Variants in GRM5 observed in about 807,000 individuals in gnomAD.
GRM5 encodes the protein glutamate metabotropic receptor 5, also known as metabotropic glutamate receptor 5.
A neutral mutation model predicts 83.1 loss-of-function variants in GRM5; 19 were observed. The ratio of observed to expected loss-of-function variants is 0.23; its 90% CI spans 0.16 to 0.34. The LOEUF (loss-of-function observed/expected upper bound fraction) is 0.34. Among genes scored for constraint, GRM5 ranks in the 10% least tolerant of loss-of-function variants. The pLI is 1.00. For synonymous variants in GRM5, 675 were observed against 633.6 expected (o/e 1.07, Z -0.98); for missense variants, 1,160 against 1,588.3 (o/e 0.73, Z 4.58).
intron 3 of GRM5, among the ~76,000 whole-genome samples, chr11:88,687,719 G>A (rs1418653253): frequency 6.9e-6 from 1 of 145,880 alleles, no homozygotes; most frequent in Non-Finnish European, 1.5e-5. Flanking sequence ...CCCCCGTATG[G>A]TGCTTTATAT....
chr11:88,737,234 C>T (rs16914743), intron 3 of GRM5, among the ~76,000 whole-genome samples: 14,069 of 152,010 alleles, frequency 0.093, 807 homozygotes, highest in African/African-American at 0.17. Flanking sequence ...TCTCCTTTAA[C>T]AGTATAATGC....
chr11:89,056,512 T>A (rs4753213), intron 1 of GRM5, among the ~76,000 whole-genome samples: 99,132 of 152,028 alleles, frequency 0.65, 36,468 homozygotes, highest in Non-Finnish European at 0.82. Flanking sequence ...CACATCTACC[T>A]AAAAATAATA....
chr11:88,560,901 T>C (rs918361517), intron 8 of GRM5, among the ~76,000 whole-genome samples: 1 of 151,592 alleles, frequency 6.6e-6, no homozygotes, highest in Non-Finnish European at 1.5e-5. Context: ...AAAGGGAGAG[T>C]GATATGTGTG....
At position 88,652,840 on chromosome 11, in the gene GRM5, G is replaced by T. The variant is rs566817805; in HGVS notation, c.1147+328C>A. Among the ~76,000 whole-genome samples the T allele has an allele frequency of 4.5e-4, 69 of 152,214 alleles. 1 individual carries two copies. The South Asian group carries it at 9.3e-3, about 21-fold the overall frequency. Reference sequence around the variant, plus strand: ...TCTGGATAATAGAAATGAGCAGAATGCAGTCACTGCATTCAAGGATGTCAG... The same window carrying T: ...TCTGGATAATAGAAATGAGCAGAATTCAGTCACTGCATTCAAGGATGTCAG... On this transcript the variant is annotated intron_variant, in intron 4 of 9. Transcript: ENST00000305447.
intron 2 of GRM5, among the ~76,000 whole-genome samples, chr11:88,871,446 A>G (rs316082): frequency 0.26 from 40,118 of 151,412 alleles, 5,625 homozygotes; most frequent in South Asian, 0.52. Context: ...CTATAGTGTT[A>G]AATGCCATAA....
Position 89,023,198 on chromosome 11 carries a change from G to A in GRM5, c.661+24014C>T, listed in dbSNP as rs1410987983. On this transcript the variant is annotated intron_variant, in intron 2 of 9. Transcript: ENST00000305447. ...GTGCACATGTGCGTTCATTGTGTGG[G>A]TACATGGAAAATATCAGAATAATGA... Among the ~76,000 whole-genome samples, 7 of 151,910 alleles carry A rather than the reference G, an allele frequency of 4.6e-5. 1 individual carries two copies. The South Asian group carries it at 6.2e-4, about 14-fold the overall frequency.
At chr11:88,922,905 A>C (rs1425044522) in intron 2 of GRM5, among the ~76,000 whole-genome samples, 1 of 152,166 alleles carries the variant, frequency 6.6e-6, no homozygotes, top group Non-Finnish European at 1.5e-5. Context: ...TCCAGTTTAA[A>C]ATGGGCAAAA....
intron 2 of GRM5, among the ~76,000 whole-genome samples, chr11:88,917,705 C>A (rs980377460): frequency 1.3e-5 from 2 of 151,954 alleles, no homozygotes; most frequent in African/African-American, 2.4e-5. Context: ...CAGAAAAATG[C>A]ATCAGAGTCT....
rs534828980 is a variant in GRM5 at position 88,785,055 on chromosome 11, G to T, written c.911+64851C>A. On this transcript the variant is annotated intron_variant, in intron 3 of 9. Coordinates refer to ENST00000305447, the MANE Select transcript of GRM5 (RefSeq NM_001143831.3). ...CTATGTTAACGAACACACTAAAACC[G>T]CAGGACATTTCAATTACTAGAATTA... Among the ~76,000 whole-genome samples the T allele has an allele frequency of 5.3e-5, 8 of 152,050 alleles. 1 individual carries two copies. The South Asian group carries it at 1.7e-3, about 32-fold the overall frequency.
At chr11:88,925,232 T>C (rs1290019057) in intron 2 of GRM5, among the ~76,000 whole-genome samples, 1 of 152,124 alleles carries the variant, frequency 6.6e-6, no homozygotes, top group Non-Finnish European at 1.5e-5. Flanking sequence ...AAATGGCCAC[T>C]GTGTCTCTAT....
intron 2 of GRM5, among the ~76,000 whole-genome samples, chr11:88,985,095 A>G (rs1169590126): frequency 6.6e-6 from 1 of 152,082 alleles, no homozygotes; most frequent in Admixed American, 6.6e-5. Flanking sequence ...CTAAAGGAAT[A>G]AAGCCTGCCA....
intron 2 of GRM5, among the ~76,000 whole-genome samples, chr11:88,883,808 T>C (rs1335186500): frequency 2.6e-5 from 4 of 151,954 alleles, no homozygotes; most frequent in South Asian, 2.1e-4. Context: ...AGCTGTTTCA[T>C]CTGCAGCCCC....
At chr11:89,021,022 A>G (rs1352814086) in intron 2 of GRM5, among the ~76,000 whole-genome samples, 1 of 152,204 alleles carries the variant, frequency 6.6e-6, no homozygotes, top group Non-Finnish European at 1.5e-5. Flanking sequence ...AATACATTTG[A>G]CCACAGTCCC....
At chr11:88,797,503 A>T (rs1943304115) in intron 3 of GRM5, among the ~76,000 whole-genome samples, 1 of 152,236 alleles carries the variant, frequency 6.6e-6, no homozygotes, top group South Asian at 2.1e-4. Context: ...AGATATAATA[A>T]GCATATCTTA....
At chr11:89,014,404 C>A (rs1203687177) in intron 2 of GRM5, among the ~76,000 whole-genome samples, 5 of 152,042 alleles carry the variant, frequency 3.3e-5, no homozygotes, top group Admixed American at 2.6e-4. Context: ...CTGAGCTGAG[C>A]TTGGTTTCAA....
intron 3 of GRM5, among the ~76,000 whole-genome samples, chr11:88,807,891 A>T (rs1943523734): frequency 6.6e-6 from 1 of 152,070 alleles, no homozygotes; most frequent in Non-Finnish European, 1.5e-5. Context: ...TTTGCCATGT[A>T]GTTTTTATAA....
At position 88,593,676 on chromosome 11, in the gene GRM5, C is replaced by CAAA. The variant is rs1555075002; in HGVS notation, c.1564-2952_1564-2950dup. Among the ~76,000 whole-genome samples the CAAA allele has an allele frequency of 4.3e-3, 565 of 132,938 alleles. 8 individuals carry two copies. The East Asian group carries it at 0.077, about 18-fold the overall frequency. The allele number at this position is 132,938 out of a possible 152,430, so 87.2% of individuals were successfully genotyped here. On this transcript the variant is annotated intron_variant, in intron 6 of 9. Coordinates refer to ENST00000305447, the MANE Select transcript of GRM5 (RefSeq NM_001143831.3). ...CTGGAGACAGAGCAAGACTCCGTCT[C>CAAA]AAAAAAAAAAACAAAAAATTCTGCA...
intron 3 of GRM5, among the ~76,000 whole-genome samples, chr11:88,785,527 TA>T (rs1455629035): frequency 5.3e-5 from 8 of 152,198 alleles, no homozygotes; most frequent in African/African-American, 1.9e-4. Flanking sequence ...ATAGTTAAAA[TA>T]ATTAGGCAGA....
chr11:88,939,582 G>A (rs1938016591), intron 2 of GRM5, among the ~76,000 whole-genome samples: 1 of 151,786 alleles, frequency 6.6e-6, no homozygotes, highest in Non-Finnish European at 1.5e-5. Flanking sequence ...TCCATGTACA[G>A]CATTATCCTA....
Sources: gnomAD v4.1 joint callset for allele counts (sites outside exome capture counted in the v4.1 genomes callset) on GRCh38, gnomAD v4.1.1 for gene constraint, MANE v1.5 for transcripts, NCBI Gene and HGNC (gene_info 2026-07-23, HGNC 2026-07-21) for gene names.